The following KREMEN1 variants were observed in gnomAD, a reference collection of about 807,000 sequenced individuals.
The protein encoded by KREMEN1 is kremen protein 1.
KREMEN1 carries 30 observed loss-of-function variants against 46.5 expected under a neutral mutation model. The ratio of observed to expected loss-of-function variants is 0.65; its 90% CI spans 0.48 to 0.88. The LOEUF is 0.88. KREMEN1 is among the 40% of genes least tolerant of loss of function. The pLI, the probability that KREMEN1 is intolerant of heterozygous loss-of-function variation, is 0.00. For synonymous variants in KREMEN1, 214 were observed against 230.6 expected, an observed-to-expected ratio of 0.93 and a Z score of 0.65; for missense variants, 533 against 596.9, an observed-to-expected ratio of 0.89 and a Z score of 1.11.
At chr22:29,156,857 C>T (rs2038966947) in intron 9 of KREMEN1, among the ~76,000 whole-genome samples, 1 of 152,196 alleles carries the variant, frequency 6.6e-6, no homozygotes, top group Non-Finnish European at 1.5e-5. Context: ...CTTTGACTCT[C>T]CCAGCAACCC....
At chr22:29,120,480 G>GAGAGGAAGGAGAGGTGATGATGGAAAC (rs2038332197) in intron 3 of KREMEN1, among the ~76,000 whole-genome samples, 1 of 124,602 alleles carries the variant, frequency 8.0e-6, no homozygotes, top group Non-Finnish European at 1.7e-5. Flanking sequence ...GATGGAAACA[G>GAGAGGAAGGAGAGGTGATGATGGAAAC]GGAGGAAGGA....
chr22:29,120,779 A>G (rs907419709), intron 3 of KREMEN1, among the ~76,000 whole-genome samples: 2 of 152,134 alleles, frequency 1.3e-5, no homozygotes, highest in African/African-American at 4.8e-5. Flanking sequence ...GTTTAGACCC[A>G]TAAGCCCCAC....
rs114322908 is a variant in KREMEN1 at position 29,088,930 on chromosome 22, A to G, written c.98-5328A>G. Reference sequence around the variant, plus strand: ...ACATACGCTTTCCATACTCTACCACATTGTTGCTAGAAGTTGTGTGATAAA... The same window carrying G: ...ACATACGCTTTCCATACTCTACCACGTTGTTGCTAGAAGTTGTGTGATAAA... On this transcript the variant is annotated intron_variant, in intron 1 of 8. Transcript: ENST00000400335. Among the ~76,000 whole-genome samples, 1,182 of 152,198 alleles carry G rather than the reference A, an allele frequency of 7.8e-3. 12 individuals carry two copies. The highest frequency in any genetic ancestry group is 0.027 in the African/African-American group (1,106 of 41,510).
rs2038794727 is a variant in KREMEN1, at chr22:29,143,102, A to G, written c.*990A>G. The G allele has an allele frequency of 1.4e-6, 1 of 724,948 alleles. No homozygotes were observed. The highest frequency in any genetic ancestry group is 1.7e-6 in the Non-Finnish European group (1 of 592,334). 44.9% of individuals were successfully genotyped at this position (724,948 alleles called of 1,614,324 possible). ...GAGGCTGAGATTGCAGTGAGCCGAG[A>G]TCGCACCACTGCACTCCAGCCTGGG... On this transcript the variant is annotated 3_prime_UTR_variant, in exon 9 of 9. Coordinates refer to ENST00000400335, the MANE Select transcript of KREMEN1 (RefSeq NM_001039570.3).
chr22:29,142,562 A>G lies in KREMEN1; in HGVS notation c.*450A>G, dbSNP rs929707198. The G allele has an allele frequency of 1.3e-4, 132 of 986,090 alleles. No individual in the cohort carries two copies. The highest frequency in any genetic ancestry group is 1.6e-4 in the Non-Finnish European group (129 of 830,500). 61.1% of individuals were successfully genotyped at this position (986,090 alleles called of 1,614,324 possible). A position where few individuals can be genotyped will look rare whatever the true frequency, so the allele number is the denominator to read the frequency against. On this transcript the variant is annotated 3_prime_UTR_variant, in exon 9 of 9. Transcript: ENST00000400335. Reference sequence around the variant, plus strand: ...GTTTCTCCTGATCTTTATGTCTTGGAACAGGGCCAGACAGGGAGAACTCTC... The same window carrying G: ...GTTTCTCCTGATCTTTATGTCTTGGGACAGGGCCAGACAGGGAGAACTCTC...
Position 29,146,148 on chromosome 22 carries a change from C to A in KREMEN1, c.*4036C>A. 2.0e-6 allele frequency: 2 copies of A among 985,962 alleles called. No individual in the cohort carries two copies. The highest frequency in any genetic ancestry group is 1.2e-6 in the Non-Finnish European group (1 of 830,054). The allele number at this position is 985,962 out of a possible 1,614,324, so 61.1% of individuals were successfully genotyped here. A position where few individuals can be genotyped will look rare whatever the true frequency, so the allele number is the denominator to read the frequency against. ...TGGCACCGTTAGGTTTCAGATCTCCCGTGTGGTGTTTGATGTCGGCTTTTG... is the reference window on the plus strand; with the variant it reads ...TGGCACCGTTAGGTTTCAGATCTCCAGTGTGGTGTTTGATGTCGGCTTTTG... On this transcript the variant is annotated 3_prime_UTR_variant, in exon 9 of 9. Transcript: ENST00000400335.
rs1178132443 is a variant in KREMEN1 at position 29,073,678 on chromosome 22, G to A, written c.97+451G>A. On this transcript the variant is annotated intron_variant, in intron 1 of 8. Coordinates refer to ENST00000400335, the MANE Select transcript of KREMEN1 (RefSeq NM_001039570.3). The surrounding 1 kb of genome is among the most constrained non-coding windows in gnomAD (Gnocchi z 4.4). ...AGTCCCCAGCGACTTCCCCCGGGCC[G>A]GGACGTCCTCTGCTCCCCGGTACCT... Among the ~76,000 whole-genome samples, 3 of 139,154 alleles carry A rather than the reference G, an allele frequency of 2.2e-5. No individual in the cohort carries two copies. The highest frequency in any genetic ancestry group is 2.2e-4 in the East Asian group (1 of 4,612). 91.3% of individuals were successfully genotyped at this position (139,154 alleles called of 152,430 possible). A position where few individuals can be genotyped will look rare whatever the true frequency, so the allele number is the denominator to read the frequency against.
intron 9 of KREMEN1, among the ~76,000 whole-genome samples, chr22:29,153,188 T>TGTTGGTTTTG (rs1227562585): frequency 6.6e-6 from 1 of 152,140 alleles, no homozygotes; most frequent in Non-Finnish European, 1.5e-5. Context: ...CAACCAGCCA[T>TGTTGGTTTTG]GTTGGTTTTG....
intron 5 of KREMEN1, chr22:29,133,946 T>C (rs939218887): frequency 1.3e-5 from 2 of 152,184 alleles, no homozygotes; most frequent in Admixed American, 6.5e-5. Flanking sequence ...TTGACCTGTC[T>C]TCATGTTTAT....
At chr22:29,155,838 A>G (rs1432450657) in intron 9 of KREMEN1, among the ~76,000 whole-genome samples, 1 of 152,008 alleles carries the variant, frequency 6.6e-6, no homozygotes, top group Non-Finnish European at 1.5e-5. Context: ...GCGTGCCTGT[A>G]ATCCCAGCTA....
At position 29,098,858 on chromosome 22, in the gene KREMEN1, A is replaced by G. The variant is rs775658828; in HGVS notation, c.261-4A>G. 1 of 1,611,648 alleles carries G rather than the reference A, an allele frequency of 6.2e-7. No individual in the cohort carries two copies. On this transcript the variant is annotated splice_region_variant and splice_polypyrimidine_tract_variant and intron_variant, in intron 2 of 8. Coordinates refer to ENST00000400335, the MANE Select transcript of KREMEN1 (RefSeq NM_001039570.3). ...GTCATCAATTGTGTCCTTTTCCCCA[A>G]CAGAAATCCAGATGGAGACGTGAGC...
At chr22:29,157,113 A>G (rs988448574) in intron 9 of KREMEN1, among the ~76,000 whole-genome samples, 2 of 142,710 alleles carry the variant, frequency 1.4e-5, no homozygotes, top group Admixed American at 7.3e-5. Context: ...CCAGAGGGTT[A>G]TCATCTTCAG....
downstream of KREMEN1, among the ~76,000 whole-genome samples, chr22:29,147,117 G>A (rs2038876492): frequency 6.6e-6 from 1 of 152,224 alleles, no homozygotes; most frequent in African/African-American, 2.4e-5. Flanking sequence ...CTGGGCTCGA[G>A]CCGGCCTAGA....
At position 29,077,007 on chromosome 22, in the gene KREMEN1, G is replaced by T. The variant is rs573670474; in HGVS notation, c.97+3780G>T. Among the ~76,000 whole-genome samples the T allele has an allele frequency of 3.9e-5, 6 of 152,254 alleles. No homozygotes were observed. The South Asian group carries it at 1.2e-3, about 32-fold the overall frequency. Reference sequence around the variant, plus strand: ...TACAGATATTATTGATAAACTCATGGTTTAGCATAGTTAGACCAAAAGCAA... The same window carrying T: ...TACAGATATTATTGATAAACTCATGTTTTAGCATAGTTAGACCAAAAGCAA... On this transcript the variant is annotated intron_variant, in intron 1 of 8. Coordinates refer to ENST00000400335, the MANE Select transcript of KREMEN1 (RefSeq NM_001039570.3).
chr22:29,107,153 G>A (rs1397938672), intron 3 of KREMEN1, among the ~76,000 whole-genome samples: 1 of 151,242 alleles, frequency 6.6e-6, no homozygotes, highest in Non-Finnish European at 1.5e-5. Context: ...CCAATACCAT[G>A]TCTTCACTGC....
At chr22:29,107,223 T>A (rs2038075449) in intron 3 of KREMEN1, among the ~76,000 whole-genome samples, 1 of 149,134 alleles carries the variant, frequency 6.7e-6, no homozygotes, top group Non-Finnish European at 1.5e-5. Flanking sequence ...TTATACTTTT[T>A]TTTTTTTTTT....
At chr22:29,103,186 A>AT (rs2038001518) in intron 3 of KREMEN1, among the ~76,000 whole-genome samples, 1 of 152,222 alleles carries the variant, frequency 6.6e-6, no homozygotes, top group African/African-American at 2.4e-5. Flanking sequence ...CCTGCTATTC[A>AT]TGATTAGTAT....
At chr22:29,078,134 G>A (rs995584844) in intron 1 of KREMEN1, among the ~76,000 whole-genome samples, 3 of 152,046 alleles carry the variant, frequency 2.0e-5, no homozygotes, top group Admixed American at 6.6e-5. Context: ...GACAGATGTC[G>A]TGTAGTCCTA....
chr22:29,166,150 G>A (rs1293684897), intron 9 of KREMEN1, among the ~76,000 whole-genome samples: 2 of 151,576 alleles, frequency 1.3e-5, no homozygotes, highest in Non-Finnish European at 2.9e-5. Context: ...ACCATAACAT[G>A]CACACACATG....
Sources: gnomAD v4.1 joint callset for allele counts (sites outside exome capture counted in the v4.1 genomes callset) on GRCh38, gnomAD v4.1.1 for gene constraint, Gnocchi (gnomAD v3.1) non-coding constraint, MANE v1.5 for transcripts, NCBI Gene and HGNC (gene_info 2026-07-23, HGNC 2026-07-21) for gene names.